The following PITPNC1 variants were observed in gnomAD, a reference collection of about 807,000 sequenced individuals.
PITPNC1 encodes phosphatidylinositol transfer protein cytoplasmic 1.
A neutral mutation model predicts 44.7 loss-of-function variants in PITPNC1; 18 were observed. That is an observed-to-expected ratio of 0.40 (90% CI 0.28 to 0.60). The LOEUF (loss-of-function observed/expected upper bound fraction) is 0.60, where lower values mean the gene tolerates loss of function less well. Ranked by LOEUF, PITPNC1 falls within the 20% of genes least tolerant of loss-of-function variation. The pLI, the probability that PITPNC1 is intolerant of heterozygous loss-of-function variation, is 0.39. For synonymous variants in PITPNC1, 141 were observed against 149.6 expected, an observed-to-expected ratio of 0.94 and a Z score of 0.42; for missense variants, 290 against 418.4, an observed-to-expected ratio of 0.69 and a Z score of 2.68.
chr17:67,468,400 C>CTTTTTT (rs139820910), intron 1 of PITPNC1, among the ~76,000 whole-genome samples: 3 of 119,964 alleles, frequency 2.5e-5, no homozygotes, highest in Admixed American at 9.2e-5. Context: ...GCTTTCTTTC[C>CTTTTTT]TTTTTTTTTT....
chr17:67,539,990 A>G (rs928159665), intron 2 of PITPNC1, among the ~76,000 whole-genome samples: 1 of 152,180 alleles, frequency 6.6e-6, no homozygotes, highest in Non-Finnish European at 1.5e-5. Flanking sequence ...ACATGGAGAA[A>G]CCACCCTCAG....
chr17:67,494,422 ACTC>A (rs2039914636), intron 1 of PITPNC1, among the ~76,000 whole-genome samples: 2 of 149,628 alleles, frequency 1.3e-5, no homozygotes, highest in Admixed American at 1.3e-4. Context: ...CTGGTCTTGA[ACTC>A]CTGTCCTCGT....
intron 6 of PITPNC1, among the ~76,000 whole-genome samples, chr17:67,640,093 C>T (rs962685256): frequency 2.6e-5 from 4 of 151,280 alleles, no homozygotes; most frequent in South Asian, 2.1e-4. Flanking sequence ...TTTTTTTTCC[C>T]GTTTCCCTCA....
chr17:67,433,498 G>C (rs562394280), intron 1 of PITPNC1, among the ~76,000 whole-genome samples: 1 of 152,298 alleles, frequency 6.6e-6, no homozygotes, highest in South Asian at 2.1e-4. Flanking sequence ...CAGCACTTTA[G>C]GAGGCCGAGG....
At chr17:67,583,218 C>G (rs1205034172) in intron 5 of PITPNC1, among the ~76,000 whole-genome samples, 2 of 152,124 alleles carry the variant, frequency 1.3e-5, no homozygotes, top group Non-Finnish European at 2.9e-5. Context: ...TGATATGTTC[C>G]CTCAGGAGAC....
At chr17:67,645,419 CA>C (rs2042138315) in intron 6 of PITPNC1, among the ~76,000 whole-genome samples, 1 of 151,926 alleles carries the variant, frequency 6.6e-6, no homozygotes, top group Non-Finnish European at 1.5e-5. Flanking sequence ...TTAAGATGAC[CA>C]ACCCCTGAGC....
At chr17:67,650,414 G>T (rs1000799287) in intron 6 of PITPNC1, among the ~76,000 whole-genome samples, 4 of 148,292 alleles carry the variant, frequency 2.7e-5, no homozygotes, top group African/African-American at 1.0e-4. Flanking sequence ...GTTCCTAAAA[G>T]GCATCCTGGG....
intron 1 of PITPNC1, among the ~76,000 whole-genome samples, chr17:67,492,467 C>T (rs1568012127): frequency 6.6e-6 from 1 of 152,158 alleles, no homozygotes; most frequent in South Asian, 2.1e-4. Context: ...GGGTGGTCCC[C>T]TCGTGCCTTT....
chr17:67,556,612 A>G (rs529382076), intron 4 of PITPNC1, among the ~76,000 whole-genome samples: 6 of 152,230 alleles, frequency 3.9e-5, no homozygotes, highest in East Asian at 3.9e-4. Flanking sequence ...CCATCCTGCA[A>G]TTGACATGCC....
intron 1 of PITPNC1, among the ~76,000 whole-genome samples, chr17:67,481,184 G>A (rs1343867070): frequency 6.6e-6 from 1 of 152,236 alleles, no homozygotes; most frequent in Non-Finnish European, 1.5e-5. Flanking sequence ...CTCCAGCCTA[G>A]GCGACAGAGC....
chr17:67,677,455 A>G (rs1329704660), intron 8 of PITPNC1, among the ~76,000 whole-genome samples: 1 of 152,120 alleles, frequency 6.6e-6, no homozygotes, highest in Non-Finnish European at 1.5e-5. Flanking sequence ...TAGAGGCAGG[A>G]TATAGGAAGA....
chr17:67,487,877 A>G (rs983286690), intron 1 of PITPNC1, among the ~76,000 whole-genome samples: 8 of 152,190 alleles, frequency 5.3e-5, no homozygotes. Flanking sequence ...ATGTCTTCGC[A>G]TCTTATACCC....
chr17:67,494,170 T>TCTTCCTTC (rs1568012787), intron 1 of PITPNC1, among the ~76,000 whole-genome samples: 784 of 65,194 alleles, frequency 0.012, 46 homozygotes, highest in African/African-American at 0.034. Flanking sequence ...CCTCTTTCTT[T>TCTTCCTTC]CTTTCTTTCT....
rs1450493250 is a variant in PITPNC1 at position 67,597,592 on chromosome 17, C to T, written c.366+19335C>T. On this transcript the variant is annotated intron_variant, in intron 5 of 8. Transcript: ENST00000581322. This position sits in a 1 kb window ranked among gnomAD's most constrained non-coding sequence, Gnocchi z 4.0. Reference sequence around the variant, plus strand: ...AGGAAAGAAAAAAACAGTTATCTTCCTCAATCCCTTTGTGTTAAGTTCCTA... The same window carrying T: ...AGGAAAGAAAAAAACAGTTATCTTCTTCAATCCCTTTGTGTTAAGTTCCTA... Among the ~76,000 whole-genome samples the T allele has an allele frequency of 2.0e-5, 3 of 152,176 alleles. No homozygotes were observed. Among genetic ancestry groups the T allele is most frequent in the Non-Finnish European group, 4.4e-5 (3 of 68,026 alleles).
intron 1 of PITPNC1, among the ~76,000 whole-genome samples, chr17:67,517,877 TA>T: frequency 6.6e-6 from 1 of 152,194 alleles, no homozygotes; most frequent in Non-Finnish European, 1.5e-5. Context: ...CCGAATTGCA[TA>T]TTTTTTTTAA....
intron 1 of PITPNC1, among the ~76,000 whole-genome samples, chr17:67,452,938 G>C (rs889834588): frequency 6.6e-6 from 1 of 152,178 alleles, no homozygotes; most frequent in Non-Finnish European, 1.5e-5. Flanking sequence ...TCCGTCTTTT[G>C]TTTGTAGCGA....
At chr17:67,474,862 C>A (rs997815410) in intron 1 of PITPNC1, among the ~76,000 whole-genome samples, 1 of 151,746 alleles carries the variant, frequency 6.6e-6, no homozygotes, top group Non-Finnish European at 1.5e-5. Flanking sequence ...CTGTGTTGCT[C>A]AGGCTGGTCT....
chr17:67,490,264 TTG>T (rs111690441), intron 1 of PITPNC1, among the ~76,000 whole-genome samples: 4 of 149,432 alleles, frequency 2.7e-5, no homozygotes, highest in Non-Finnish European at 3.0e-5. Flanking sequence ...TGGGTCATAC[TTG>T]TGTGTGTGTG....
intron 1 of PITPNC1, among the ~76,000 whole-genome samples, chr17:67,475,521 A>G (rs1261758177): frequency 6.6e-6 from 1 of 152,158 alleles, no homozygotes; most frequent in Non-Finnish European, 1.5e-5. Flanking sequence ...CATAGCGAAC[A>G]CGACAGATTG....
Sources: gnomAD v4.1 joint callset for allele counts (sites outside exome capture counted in the v4.1 genomes callset) on GRCh38, gnomAD v4.1.1 for gene constraint, Gnocchi (gnomAD v3.1) non-coding constraint, MANE v1.5 for transcripts, NCBI Gene and HGNC (gene_info 2026-07-23, HGNC 2026-07-21) for gene names.